Variants in ARMH4 observed in about 807,000 individuals in gnomAD.
ARMH4 encodes the protein armadillo-like helical domain-containing protein 4.
Under a neutral mutation model 61.9 loss-of-function variants are expected in ARMH4, and 49 were observed. That is an observed-to-expected ratio of 0.79 (90% CI 0.63 to 1.00). ARMH4 has a LOEUF of 1.00. ARMH4 is among the 50% of genes least tolerant of loss of function. The probability of loss-of-function intolerance (pLI) is 0.00; values close to 1 mark genes in which losing one functional copy is unlikely to be tolerated. For missense variants in ARMH4, 934 were observed against 930.0 expected, an observed-to-expected ratio of 1.00 and a Z score of -0.06; for synonymous variants, 368 against 341.5, an observed-to-expected ratio of 1.08 and a Z score of -0.85.
At chr14:58,024,805 G>T (rs569154247) in intron 5 of ARMH4, among the ~76,000 whole-genome samples, 2 of 152,202 alleles carry the variant, frequency 1.3e-5, no homozygotes, top group East Asian at 3.9e-4. Flanking sequence ...CAGGGAATAG[G>T]GAGGCCTAAA....
intron 5 of ARMH4, among the ~76,000 whole-genome samples, chr14:58,093,477 C>T (rs1278390608): frequency 6.6e-6 from 1 of 152,168 alleles, no homozygotes; most frequent in Non-Finnish European, 1.5e-5. Flanking sequence ...CAGGTGTGAG[C>T]CACTGTGCCC....
At chr14:58,150,668 T>C (rs1471294045) in intron 1 of ARMH4, among the ~76,000 whole-genome samples, 1 of 152,218 alleles carries the variant, frequency 6.6e-6, no homozygotes, top group Non-Finnish European at 1.5e-5. Context: ...TTGGTGAGCC[T>C]TGGGAGTTTC....
At chr14:58,015,393 G>C (rs1882574385) in intron 5 of ARMH4, among the ~76,000 whole-genome samples, 1 of 152,176 alleles carries the variant, frequency 6.6e-6, no homozygotes, top group Non-Finnish European at 1.5e-5. Context: ...TAAAAAGGTT[G>C]AGGAAACACT....
At chr14:58,075,149 T>C (rs1316875153) in intron 5 of ARMH4, among the ~76,000 whole-genome samples, 15 of 152,236 alleles carry the variant, frequency 9.9e-5, no homozygotes, top group Admixed American at 9.8e-4. Flanking sequence ...GTTTTTACAC[T>C]GTTCGTGGGA....
chr14:58,139,041 T>C lies in ARMH4; in HGVS notation c.318A>G (p.Thr106=), dbSNP rs776384383. The C allele has an allele frequency of 1.2e-6, 2 of 1,614,246 alleles. No individual in the cohort carries two copies. Among genetic ancestry groups the C allele is most frequent in the South Asian group, 1.1e-5 (1 of 91,090 alleles). The change falls in exon 2 of 8, where the codon ACA becomes ACG. Residue 106 remains threonine (T), a synonymous_variant. Transcript: ENST00000267485. ...TQPGQAGLMQ[T]ERPGVSTPTE... The stretch of plus-strand genomic sequence containing the variant: ...TAGGTGTGGAAACACCAGGGCGTTC[T>C]GTTTGCATGAGCCCAGCTTGTCCAG...
chr14:58,026,321 T>C (rs1032777191), intron 5 of ARMH4, among the ~76,000 whole-genome samples: 1 of 152,044 alleles, frequency 6.6e-6, no homozygotes, highest in African/African-American at 2.4e-5. Context: ...CCTCCCCCTA[T>C]GCTTGATCAT....
chr14:58,046,058 A>T lies in ARMH4; in HGVS notation c.2090-33908T>A, dbSNP rs552650447. 5.3e-5 allele frequency among the ~76,000 whole-genome samples: 8 copies of T among 152,336 alleles called. No individual in the cohort carries two copies. The South Asian group carries it at 1.7e-3, about 32-fold the overall frequency. On this transcript the variant is annotated intron_variant, in intron 5 of 7. Transcript: ENST00000267485. Reference sequence around the variant, plus strand: ...TTCCAGCCACCAGAACTGGGAGAGAACACATTTCTCTTGTAAGCCACCCAG... The same window carrying T: ...TTCCAGCCACCAGAACTGGGAGAGATCACATTTCTCTTGTAAGCCACCCAG...
intron 4 of ARMH4, among the ~76,000 whole-genome samples, chr14:58,121,428 T>TAAA (rs1368977386): frequency 1.3e-5 from 2 of 152,144 alleles, no homozygotes; most frequent in African/African-American, 4.8e-5. Flanking sequence ...ATTATACCAA[T>TAAA]AAATGAATTC....
intron 4 of ARMH4, among the ~76,000 whole-genome samples, chr14:58,107,069 A>G (rs1886186549): frequency 6.6e-6 from 1 of 152,188 alleles, no homozygotes; most frequent in Admixed American, 6.5e-5. Flanking sequence ...TGCTACAAAC[A>G]TGTGTCATTT....
chr14:58,107,256 A>G (rs1000050068), intron 4 of ARMH4, among the ~76,000 whole-genome samples: 8 of 152,198 alleles, frequency 5.3e-5, no homozygotes, highest in African/African-American at 1.9e-4. Context: ...TGACGGCAGG[A>G]AGATCCAGAG....
At chr14:58,032,727 T>C (rs976914176) in intron 5 of ARMH4, among the ~76,000 whole-genome samples, 5 of 151,852 alleles carry the variant, frequency 3.3e-5, no homozygotes, top group South Asian at 2.1e-4. Context: ...GGGTGAGGCA[T>C]TGCCTCACCT....
At chr14:58,017,237 C>T (rs1882647278) in intron 5 of ARMH4, among the ~76,000 whole-genome samples, 1 of 152,126 alleles carries the variant, frequency 6.6e-6, no homozygotes, top group African/African-American at 2.4e-5. Flanking sequence ...TTGCTTGAGC[C>T]CAGGAGGTTG....
At chr14:58,102,641 C>A (rs1169764166) in intron 4 of ARMH4, among the ~76,000 whole-genome samples, 2 of 148,794 alleles carry the variant, frequency 1.3e-5, no homozygotes, top group African/African-American at 5.0e-5. Flanking sequence ...GAAACCCCGT[C>A]TCTACTAAAA....
intron 4 of ARMH4, among the ~76,000 whole-genome samples, chr14:58,110,120 T>C (rs1463916870): frequency 1.3e-5 from 2 of 152,184 alleles, no homozygotes; most frequent in African/African-American, 4.8e-5. Context: ...TGGGTGGGGA[T>C]ACAGAGCCAA....
intron 5 of ARMH4, among the ~76,000 whole-genome samples, chr14:58,093,015 G>A (rs1594752178): frequency 1.3e-5 from 2 of 151,932 alleles, no homozygotes; most frequent in Admixed American, 1.3e-4. Flanking sequence ...TTCAATTATG[G>A]GGGCAGTTTC....
At chr14:58,148,081 G>A (rs758193131) in intron 1 of ARMH4, among the ~76,000 whole-genome samples, 1 of 151,964 alleles carries the variant, frequency 6.6e-6, no homozygotes, top group East Asian at 1.9e-4. Context: ...ATGGAGTCTC[G>A]CTCTGTCGCC....
chr14:58,052,821 G>A (rs1340655383), intron 5 of ARMH4, among the ~76,000 whole-genome samples: 1 of 152,014 alleles, frequency 6.6e-6, no homozygotes. Context: ...CTCTCCTTCA[G>A]TGTCTCATGT....
At chr14:58,040,031 C>A (rs1292364667) in intron 5 of ARMH4, among the ~76,000 whole-genome samples, 2 of 152,020 alleles carry the variant, frequency 1.3e-5, no homozygotes, top group Non-Finnish European at 2.9e-5. Context: ...ACAAAAACAA[C>A]AACAACGAAA....
chr14:58,011,765 GAAAAAAA>G (rs745515042), intron 6 of ARMH4, among the ~76,000 whole-genome samples: 3 of 95,646 alleles, frequency 3.1e-5, no homozygotes, highest in African/African-American at 8.6e-5. Context: ...TCTCATATTA[GAAAAAAA>G]AAAAAAAAAA....
Sources: gnomAD v4.1 joint callset for allele counts (sites outside exome capture counted in the v4.1 genomes callset) on GRCh38, gnomAD v4.1.1 for gene constraint, MANE v1.5 for transcripts, NCBI Gene and HGNC (gene_info 2026-07-23, HGNC 2026-07-21) for gene names.